ANKDD1A: variants seen among roughly 807,000 people sequenced by gnomAD.
The protein encoded by ANKDD1A is ankyrin repeat and death domain-containing protein 1A.
In ANKDD1A, 59 loss-of-function variants were observed where a neutral mutation model predicts 63.5. That is an observed-to-expected ratio of 0.93 (90% CI 0.75 to 1.15). The LOEUF (loss-of-function observed/expected upper bound fraction) is 1.15. ANKDD1A is among the 50% of genes most tolerant of loss of function. The probability of loss-of-function intolerance (pLI) is 0.00; values close to 1 mark genes in which losing one functional copy is unlikely to be tolerated. For synonymous variants in ANKDD1A, 266 were observed against 263.9 expected, an observed-to-expected ratio of 1.01 and a Z score of -0.08; for missense variants, 632 against 656.4, an observed-to-expected ratio of 0.96 and a Z score of 0.41.
Position 64,915,904 on chromosome 15 carries a change from C to G in ANKDD1A, c.138+4C>G. 1 of 1,612,306 alleles carries G rather than the reference C, an allele frequency of 6.2e-7. No individual in the cohort carries two copies. The highest frequency in any genetic ancestry group is 8.5e-7 in the Non-Finnish European group (1 of 1,179,026). The stretch of plus-strand genomic sequence containing the variant: ...TAACACCAGGGCCAGAAACCACGTG[C>G]GTAATGAGCTTCTCTGAATCCAGGC... On this transcript the variant is annotated splice_donor_region_variant and intron_variant, in intron 2 of 14. Coordinates refer to ENST00000319580, the MANE Select transcript of ANKDD1A (RefSeq NM_182703.6).
chr15:64,926,534 A>G (rs1336905569), intron 5 of ANKDD1A, among the ~76,000 whole-genome samples: 1 of 152,008 alleles, frequency 6.6e-6, no homozygotes, highest in Non-Finnish European at 1.5e-5. Context: ...TGGGAGCTTT[A>G]GGGACAGGAA....
At chr15:64,930,748 C>A in intron 6 of ANKDD1A, 74 bp from the exon 7 acceptor site, 5 of 1,462,006 alleles carry the variant, frequency 3.4e-6, no homozygotes, top group Admixed American at 2.0e-5. Context: ...GTGTGCATGG[C>A]TGCAGCTCAT....
In ANKDD1A at chr15:64,917,384, A is replaced by G; in HGVS notation, c.139-2A>G. The G allele has an allele frequency of 6.2e-7, 1 of 1,603,252 alleles. No homozygotes were observed. The highest frequency in any genetic ancestry group is 2.2e-5 in the East Asian group (1 of 44,660). On this transcript the variant is annotated splice_acceptor_variant, in intron 2 of 14. Transcript: ENST00000319580. LOFTEE classifies it high-confidence loss of function. The stretch of plus-strand genomic sequence containing the variant: ...TGACAAGTGTCATCTCCCTCCGGGC[A>G]GGTGGGCAGGGTGGCCCTGCACTGG...
At chr15:64,946,041 C>T (rs1448343624) in intron 12 of ANKDD1A, among the ~76,000 whole-genome samples, 1 of 152,074 alleles carries the variant, frequency 6.6e-6, no homozygotes, top group Middle Eastern at 3.2e-3. Context: ...CTTTAAAATT[C>T]ATTTTATAAA....
chr15:64,914,786 C>T (rs1200428103), intron 1 of ANKDD1A, among the ~76,000 whole-genome samples: 1 of 148,478 alleles, frequency 6.7e-6, no homozygotes, highest in Admixed American at 6.8e-5. Context: ...ATCATCTGGA[C>T]CTGTGTCCTC....
intron 6 of ANKDD1A, 26 bp from the exon 7 acceptor site, chr15:64,930,796 C>A (rs747265814): frequency 6.2e-7 from 1 of 1,602,096 alleles, no homozygotes; most frequent in South Asian, 1.1e-5. Context: ...GGTCTGCTGG[C>A]CTCTCAGGAG....
intron 6 of ANKDD1A, 103 bp from the exon 7 acceptor site, chr15:64,930,719 G>A (rs977361650): frequency 8.0e-6 from 9 of 1,119,918 alleles, no homozygotes; most frequent in Non-Finnish European, 1.1e-5. Context: ...GTTGTCAGGA[G>A]CAGGGTGGCA....
chr15:64,931,636 G>A, intron 8 of ANKDD1A, 51 bp downstream of exon 8: 1 of 1,584,492 alleles, frequency 6.3e-7, no homozygotes, highest in Admixed American at 1.7e-5. Flanking sequence ...CTGAGCCATA[G>A]CCATGTCGGC....
chr15:64,929,868 G>A (rs1442173218), intron 6 of ANKDD1A, among the ~76,000 whole-genome samples: 1 of 152,144 alleles, frequency 6.6e-6, no homozygotes. Context: ...TGATAGACTG[G>A]ATAAAGAAAA....
At chr15:64,954,361 C>CT (rs2085382799) in intron 14 of ANKDD1A, among the ~76,000 whole-genome samples, 26 of 76,162 alleles carry the variant, frequency 3.4e-4, no homozygotes, top group South Asian at 5.5e-4. Flanking sequence ...TTCTCTTCTT[C>CT]TCCTTCTTCT....
At chr15:64,954,390 CTTTCTTCTTCCTTCCTCTT>C (rs2085384113) in intron 14 of ANKDD1A, among the ~76,000 whole-genome samples, 3 of 43,134 alleles carry the variant, frequency 7.0e-5, no homozygotes, top group African/African-American at 1.7e-4. Flanking sequence ...TTTTCTTCTT[CTTTCTTCTTCCTTCCTCTT>C]CTTCCTCCTC....
chr15:64,915,970 A>G (rs931159088), intron 2 of ANKDD1A, 70 bp downstream of exon 2: 7 of 1,455,590 alleles, frequency 4.8e-6, no homozygotes, highest in African/African-American at 1.4e-5. Context: ...CACAGGGGGA[A>G]TAGTTTATCT....
chr15:64,932,782 C>T (rs2085101319), intron 8 of ANKDD1A: 1 of 152,034 alleles, frequency 6.6e-6, no homozygotes, highest in African/African-American at 2.4e-5. Context: ...CTTAATTTGA[C>T]TGGCTTTGAA....
At chr15:64,912,731 C>T (rs1451200613) in intron 1 of ANKDD1A, among the ~76,000 whole-genome samples, 1 of 152,254 alleles carries the variant, frequency 6.6e-6, no homozygotes, top group Non-Finnish European at 1.5e-5. Context: ...CCGGGGCTTT[C>T]CCTCAAAAGC....
chr15:64,931,708 G>A (rs2085093400), intron 8 of ANKDD1A, 123 bp downstream of exon 8: 1 of 1,094,760 alleles, frequency 9.1e-7, no homozygotes. Flanking sequence ...AGCAGACAAG[G>A]TTCTGATCTT....
chr15:64,952,182 T>TTCTACTTTTTCTTCTTCTTCTTTCC (rs2085300630), intron 14 of ANKDD1A, among the ~76,000 whole-genome samples: 1 of 150,918 alleles, frequency 6.6e-6, no homozygotes, highest in African/African-American at 2.4e-5. Context: ...TCTTCTTTCC[T>TTCTACTTTTTCTTCTTCTTCTTTCC]TCTACTTTTT....
chr15:64,925,935 A>G (rs2085043155), intron 4 of ANKDD1A, 131 bp from the exon 5 acceptor site: 1 of 768,068 alleles, frequency 1.3e-6, no homozygotes, highest in Non-Finnish European at 2.1e-6. Flanking sequence ...GGGTCCATTC[A>G]TCATTTACAG....
rs1162166958 is a variant in ANKDD1A, at chr15:64,958,532, C to G, written c.*1344C>G. 3 of 151,988 alleles carry G rather than the reference C, an allele frequency of 2.0e-5. No individual in the cohort carries two copies. Among genetic ancestry groups the G allele is most frequent in the Non-Finnish European group, 4.4e-5 (3 of 68,002 alleles). 9.4% of individuals were successfully genotyped at this position (151,988 alleles called of 1,614,324 possible). On this transcript the variant is annotated 3_prime_UTR_variant, in exon 15 of 15. Transcript: ENST00000319580. ...GTAAAGTTATAAAAGGAAAAGAAAA[C>G]AGAGGCTTTAAATTAAATCATCTAT...
intron 14 of ANKDD1A, among the ~76,000 whole-genome samples, chr15:64,956,180 C>T (rs2085414509): frequency 6.6e-6 from 1 of 151,502 alleles, no homozygotes; most frequent in Admixed American, 6.6e-5. Flanking sequence ...AGAGAAAAAG[C>T]TTCCTTTCTC....
Sources: allele counts gnomAD v4.1 joint callset (sites outside exome capture counted in the v4.1 genomes callset), GRCh38; gene constraint gnomAD v4.1.1; transcripts MANE v1.5; gene names NCBI Gene and HGNC (gene_info 2026-07-23, HGNC 2026-07-21).